Variants in RELN observed in about 807,000 individuals in gnomAD.
RELN encodes the protein reelin.
RELN carries 108 observed loss-of-function variants against 427.6 expected under a neutral mutation model. The observed-to-expected ratio is 0.25, with a 90% confidence interval of 0.22 to 0.30. The LOEUF (loss-of-function observed/expected upper bound fraction) is 0.30. RELN is among the 10% of genes least tolerant of loss of function. The pLI, the probability that RELN is intolerant of heterozygous loss-of-function variation, is 1.00. For synonymous variants in RELN, 1,524 were observed against 1,513.4 expected, an observed-to-expected ratio of 1.01 and a Z score of -0.16; for missense variants, 3,715 against 4,302.8, an observed-to-expected ratio of 0.86 and a Z score of 3.82.
At chr7:103,860,425 C>G (rs1404358125) in intron 2 of RELN, among the ~76,000 whole-genome samples, 1 of 152,058 alleles carries the variant, frequency 6.6e-6, no homozygotes. Flanking sequence ...TGTTTAGATG[C>G]AGAAAAATGT....
chr7:103,840,066 T>A (rs990820668), intron 2 of RELN, among the ~76,000 whole-genome samples: 3 of 152,212 alleles, frequency 2.0e-5, no homozygotes, highest in African/African-American at 7.2e-5. Context: ...CCATCCACCA[T>A]GATTGTAAGT....
chr7:103,658,101 A>AT (rs1461413619), intron 12 of RELN, among the ~76,000 whole-genome samples: 1 of 152,110 alleles, frequency 6.6e-6, no homozygotes, highest in African/African-American at 2.4e-5. Context: ...CTCTTAGGTT[A>AT]TTTTTTGTCT....
intron 33 of RELN, among the ~76,000 whole-genome samples, chr7:103,565,923 A>G (rs1357882080): frequency 1.3e-5 from 2 of 152,176 alleles, no homozygotes; most frequent in African/African-American, 4.8e-5. Context: ...ATCTTTTTTT[A>G]AACATAGAGT....
intron 2 of RELN, among the ~76,000 whole-genome samples, chr7:103,908,053 G>T (rs1026728275): frequency 1.3e-5 from 2 of 152,074 alleles, no homozygotes; most frequent in Admixed American, 1.3e-4. Context: ...AGAACATGAG[G>T]TGGACACCTG....
chr7:103,624,960 C>T (rs965080043), intron 20 of RELN, among the ~76,000 whole-genome samples: 3 of 152,158 alleles, frequency 2.0e-5, no homozygotes, highest in Admixed American at 6.5e-5. Flanking sequence ...AGAGGCCCTT[C>T]GAACATTTCT....
chr7:103,911,100 C>T (rs1343811859), intron 2 of RELN, among the ~76,000 whole-genome samples: 8 of 145,070 alleles, frequency 5.5e-5, no homozygotes, highest in Non-Finnish European at 1.0e-4. Context: ...TCACAACCTA[C>T]TCATCTGACA....
chr7:103,482,802 G>A (rs1828288859), intron 63 of RELN, 71 bp downstream of exon 63: 1 of 1,611,402 alleles, frequency 6.2e-7, no homozygotes, highest in Non-Finnish European at 8.5e-7. Flanking sequence ...CTGAATTAAG[G>A]GTCATGCTAT....
intron 18 of RELN, 46 bp from the exon 19 acceptor site, chr7:103,635,632 ATC>A: frequency 6.6e-7 from 1 of 1,508,624 alleles, no homozygotes; most frequent in Non-Finnish European, 9.2e-7. Context: ...AACATTTTTA[ATC>A]ATAATGTTCA....
At chr7:103,656,962 C>T (rs1833035286) in intron 12 of RELN, among the ~76,000 whole-genome samples, 1 of 152,018 alleles carries the variant, frequency 6.6e-6, no homozygotes, top group Non-Finnish European at 1.5e-5. Flanking sequence ...CAAAGTAAAG[C>T]ATGTCTTTAA....
At chr7:103,858,222 C>A (rs1793991812) in intron 2 of RELN, among the ~76,000 whole-genome samples, 1 of 152,126 alleles carries the variant, frequency 6.6e-6, no homozygotes, top group Non-Finnish European at 1.5e-5. Context: ...GGTCAGATTT[C>A]TTAAACTCTC....
chr7:103,697,444 G>T (rs569309037), intron 10 of RELN, among the ~76,000 whole-genome samples: 2 of 152,042 alleles, frequency 1.3e-5, no homozygotes, highest in South Asian at 4.2e-4. Flanking sequence ...TCTGGATTTG[G>T]TACTGTTATA....
chr7:103,983,366 C>A (rs1469874998), intron 1 of RELN, among the ~76,000 whole-genome samples: 1 of 152,198 alleles, frequency 6.6e-6, no homozygotes, highest in African/African-American at 2.4e-5. Context: ...ATGAGATGGG[C>A]ATGGCAGGTG....
chr7:103,916,928 C>A (rs1487864256), intron 2 of RELN, 147 bp downstream of exon 2: 4 of 705,230 alleles, frequency 5.7e-6, no homozygotes, highest in Middle Eastern at 2.4e-4. Context: ...CACCCAACAT[C>A]AAGCAAACAC....
At chr7:103,546,687 T>A (rs916518370) in intron 41 of RELN, among the ~76,000 whole-genome samples, 9 of 152,338 alleles carry the variant, frequency 5.9e-5, no homozygotes, top group Admixed American at 5.2e-4. Context: ...CCAATGTCCA[T>A]GTCTCTTTCT....
At position 103,989,449 on chromosome 7, in the gene RELN, A is replaced by G. The variant is rs1797180166; in HGVS notation, c.-93T>C. The G allele has an allele frequency of 8.8e-7, 1 of 1,133,022 alleles. No individual in the cohort carries two copies. Among genetic ancestry groups the G allele is most frequent in the Non-Finnish European group, 1.2e-6 (1 of 865,930 alleles). The allele number at this position is 1,133,022 out of a possible 1,614,324, so 70.2% of individuals were successfully genotyped here. A position where few individuals can be genotyped will look rare whatever the true frequency, so the allele number is the denominator to read the frequency against. ...GGGACGGAGGAGCCACGCGGAGAGA[A>G]GGCGAGAAGAAGGCGGACGGGAGCG... On this transcript the variant is annotated 5_prime_UTR_variant, in exon 1 of 65. Coordinates refer to ENST00000428762, the MANE Select transcript of RELN (RefSeq NM_005045.4). The surrounding 1 kb of genome is among the most constrained non-coding windows in gnomAD (Gnocchi z 4.9).
intron 8 of RELN, among the ~76,000 whole-genome samples, chr7:103,708,560 T>G (rs1789703171): frequency 6.9e-6 from 1 of 145,598 alleles, no homozygotes; most frequent in Admixed American, 7.1e-5. Context: ...GCCTCCCGGG[T>G]TCATGCCATT....
At chr7:103,909,531 T>A (rs1241733007) in intron 2 of RELN, among the ~76,000 whole-genome samples, 2 of 146,494 alleles carry the variant, frequency 1.4e-5, no homozygotes, top group South Asian at 4.2e-4. Context: ...TGCTTGAACC[T>A]GGGAGGTGGA....
Position 103,509,220 on chromosome 7 carries a change from C to G in RELN, c.8274+1631G>C, listed in dbSNP as rs149931343. 3.9e-3 allele frequency among the ~76,000 whole-genome samples: 594 copies of G among 152,166 alleles called. 5 individuals carry two copies. Among genetic ancestry groups the G allele is most frequent in the African/African-American group, 0.014 (566 of 41,530 alleles). On this transcript the variant is annotated intron_variant, in intron 51 of 64. Coordinates refer to ENST00000428762, the MANE Select transcript of RELN (RefSeq NM_005045.4). ...GACAATCCTAAGCAAAAAGAACAAACCTGGAGGCATCATGCTACCTGACTT... is the reference window on the plus strand; with the variant it reads ...GACAATCCTAAGCAAAAAGAACAAAGCTGGAGGCATCATGCTACCTGACTT...
At chr7:103,855,764 A>G (rs1458350834) in intron 2 of RELN, among the ~76,000 whole-genome samples, 2 of 152,146 alleles carry the variant, frequency 1.3e-5, no homozygotes, top group Non-Finnish European at 2.9e-5. Flanking sequence ...TGGCAGCCTC[A>G]GGCATTCCTG....
Sources: allele counts gnomAD v4.1 joint callset (sites outside exome capture counted in the v4.1 genomes callset), GRCh38; gene constraint gnomAD v4.1.1; non-coding constraint Gnocchi (gnomAD v3.1); transcripts MANE v1.5; gene names NCBI Gene and HGNC (gene_info 2026-07-23, HGNC 2026-07-21).